Variants in UNC5C observed in about 807,000 individuals in gnomAD.
UNC5C encodes netrin receptor UNC5C.
UNC5C carries 47 observed loss-of-function variants against 99.8 expected under a neutral mutation model. The ratio of observed to expected loss-of-function variants is 0.47; its 90% CI spans 0.37 to 0.60. The LOEUF (loss-of-function observed/expected upper bound fraction) is 0.60, where lower values mean the gene tolerates loss of function less well. Ranked by LOEUF, UNC5C falls within the 20% of genes least tolerant of loss-of-function variation. UNC5C has a pLI of 0.00. For missense variants in UNC5C, 1,062 were observed against 1,165.9 expected (o/e 0.91, Z 1.30); for synonymous variants, 487 against 452.2 (o/e 1.08, Z -0.98).
Position 95,168,361 on chromosome 4 carries a change from T to TAACA in UNC5C, c.*869_*872dup, listed in dbSNP as rs1460520558. ...ACAGGTCTAGTCAATAACCAAATAC[T>TAACA]AACAAACAGCACTGCTAACAAAAAT... On this transcript the variant is annotated 3_prime_UTR_variant, in exon 16 of 16. Coordinates refer to ENST00000453304, the MANE Select transcript of UNC5C (RefSeq NM_003728.4). 6.6e-6 allele frequency: 1 copy of TAACA among 152,004 alleles called. No homozygotes were observed. The highest frequency in any genetic ancestry group is 2.4e-5 in the African/African-American group (1 of 41,376). The allele number at this position is 152,004 out of a possible 1,614,324, so 9.4% of individuals were successfully genotyped here.
intron 12 of UNC5C, among the ~76,000 whole-genome samples, chr4:95,199,237 G>A (rs1311924831): frequency 1.3e-5 from 2 of 152,112 alleles, no homozygotes; most frequent in Non-Finnish European, 2.9e-5. Context: ...GCGCCAAGAA[G>A]GCAGAGTTTT....
At chr4:95,516,764 T>A (rs1722231285) in intron 1 of UNC5C, among the ~76,000 whole-genome samples, 1 of 152,118 alleles carries the variant, frequency 6.6e-6, no homozygotes, top group Admixed American at 6.5e-5. Context: ...CTGCATCTGG[T>A]GTTTATCATC....
rs1741272039 is a variant in UNC5C, at chr4:95,287,295, T to G, written c.491-8933A>C. 3.3e-5 allele frequency among the ~76,000 whole-genome samples: 5 copies of G among 152,348 alleles called. No homozygotes were observed. The South Asian group carries it at 1.0e-3, about 32-fold the overall frequency. On this transcript the variant is annotated intron_variant, in intron 3 of 15. Transcript: ENST00000453304. ...ACTTCAGAAGATTAGCTGACATTTT[T>G]AATAAATGTAAACCAATAGCACCTG...
At chr4:95,356,556 T>A (rs1744211539) in intron 1 of UNC5C, among the ~76,000 whole-genome samples, 1 of 152,152 alleles carries the variant, frequency 6.6e-6, no homozygotes, top group African/African-American at 2.4e-5. Context: ...TTGATTCATA[T>A]TCTATAAACA....
intron 2 of UNC5C, among the ~76,000 whole-genome samples, chr4:95,330,582 T>C (rs1006808358): frequency 2.6e-5 from 4 of 152,250 alleles, no homozygotes; most frequent in Admixed American, 2.0e-4. Flanking sequence ...ATACAAATTT[T>C]TTATCACCTA....
At chr4:95,181,725 G>A (rs1170671712) in intron 14 of UNC5C, among the ~76,000 whole-genome samples, 2 of 152,152 alleles carry the variant, frequency 1.3e-5, no homozygotes, top group African/African-American at 4.8e-5. Context: ...AAAGTCTCAT[G>A]AAACTACAGG....
intron 1 of UNC5C, among the ~76,000 whole-genome samples, chr4:95,400,484 C>T (rs1399439882): frequency 2.7e-5 from 4 of 149,614 alleles, no homozygotes; most frequent in Non-Finnish European, 5.9e-5. Context: ...GCTCCGCCTC[C>T]CAGTTTCATG....
intron 1 of UNC5C, among the ~76,000 whole-genome samples, chr4:95,532,591 C>T (rs10022467): frequency 0.22 from 32,805 of 151,978 alleles, 3,663 homozygotes; most frequent in Admixed American, 0.28. Context: ...AAGAAGAGTG[C>T]TCCTGTGAGA....
chr4:95,361,907 G>T (rs1220339647), intron 1 of UNC5C, among the ~76,000 whole-genome samples: 2 of 152,028 alleles, frequency 1.3e-5, no homozygotes, highest in East Asian at 3.9e-4. Flanking sequence ...GTTCTTCAGT[G>T]TTCTCAGAGC....
intron 3 of UNC5C, among the ~76,000 whole-genome samples, chr4:95,290,342 TG>T (rs1366790573): frequency 2.5e-5 from 2 of 79,382 alleles, no homozygotes; most frequent in Non-Finnish European, 4.4e-5. Flanking sequence ...AGTTTGGTGG[TG>T]TTTTTTTTTT....
intron 14 of UNC5C, among the ~76,000 whole-genome samples, chr4:95,172,429 A>G (rs1258596281): frequency 1.3e-5 from 2 of 152,084 alleles, no homozygotes; most frequent in African/African-American, 2.4e-5. Flanking sequence ...AGGTGTAAGG[A>G]AGAGATCCAG....
chr4:95,358,498 G>A (rs753280519), intron 1 of UNC5C, among the ~76,000 whole-genome samples: 6 of 152,144 alleles, frequency 3.9e-5, no homozygotes, highest in Admixed American at 2.6e-4. Flanking sequence ...AACAGTGCTG[G>A]TTAATATTTC....
intron 1 of UNC5C, among the ~76,000 whole-genome samples, chr4:95,493,343 C>G (rs1004813292): frequency 1.3e-5 from 2 of 151,340 alleles, no homozygotes; most frequent in African/African-American, 4.8e-5. Context: ...GGGAGCACAA[C>G]AATCCAATTA....
intron 7 of UNC5C, among the ~76,000 whole-genome samples, chr4:95,230,985 T>G (rs1738892260): frequency 6.6e-6 from 1 of 152,206 alleles, no homozygotes. Flanking sequence ...AACTTGGTCA[T>G]GTCTGACACA....
intron 2 of UNC5C, among the ~76,000 whole-genome samples, chr4:95,315,462 G>A (rs1050758607): frequency 6.6e-6 from 1 of 152,134 alleles, no homozygotes; most frequent in East Asian, 1.9e-4. Context: ...TTCCCACTAT[G>A]AGCTCCAATT....
chr4:95,260,382 CTGAT>C (rs1409550941), intron 4 of UNC5C, among the ~76,000 whole-genome samples: 1 of 152,196 alleles, frequency 6.6e-6, no homozygotes, highest in Non-Finnish European at 1.5e-5. Context: ...TCTCCCACCA[CTGAT>C]TAAGACTGGG....
chr4:95,399,868 TTTTG>T (rs1006883446), intron 1 of UNC5C, among the ~76,000 whole-genome samples: 10 of 152,134 alleles, frequency 6.6e-5, no homozygotes, highest in Non-Finnish European at 1.2e-4. Context: ...GGAGTAGGAT[TTTTG>T]TTTGTTTGTC....
intron 1 of UNC5C, among the ~76,000 whole-genome samples, chr4:95,424,384 A>T (rs774047067): frequency 6.6e-6 from 1 of 151,952 alleles, no homozygotes; most frequent in Non-Finnish European, 1.5e-5. Flanking sequence ...GATTTCTCAC[A>T]TATTTCGGGT....
Position 95,244,259 on chromosome 4 carries a change from A to T in UNC5C, c.943+718T>A, listed in dbSNP as rs189124028. ...TAGCTTTGGAATATATTGTATAACG[A>T]GGCATTTTAAAGGGTTTTGTTTTTG... is the stretch of plus-strand genomic sequence containing the variant. On this transcript the variant is annotated intron_variant, in intron 6 of 15. Transcript: ENST00000453304. 1.1e-3 allele frequency among the ~76,000 whole-genome samples: 174 copies of T among 152,278 alleles called. 1 individual carries two copies. Among genetic ancestry groups the T allele is most frequent in the Admixed American group, 9.5e-3 (146 of 15,296 alleles).
Sources: gnomAD v4.1 joint callset for allele counts (sites outside exome capture counted in the v4.1 genomes callset) on GRCh38, gnomAD v4.1.1 for gene constraint, MANE v1.5 for transcripts, NCBI Gene and HGNC (gene_info 2026-07-23, HGNC 2026-07-21) for gene names.